ZNF354C: variants seen among roughly 807,000 people sequenced by gnomAD.
ZNF354C encodes the protein zinc finger protein 354C, also known as KRAB-zinc finger protein synten.
In ZNF354C, 7 loss-of-function variants were observed where a neutral mutation model predicts 12.4. The observed-to-expected ratio is 0.56, with a 90% CI of 0.32 to 1.06. The LOEUF (loss-of-function observed/expected upper bound fraction) is 1.06. ZNF354C is among the 50% of genes least tolerant of loss of function. The pLI is 0.04. For synonymous variants in ZNF354C, 202 were observed against 224.5 expected (o/e 0.90, Z 0.90); for missense variants, 609 against 658.0 (o/e 0.93, Z 0.81).
chr5:179,079,680 AT>A lies in ZNF354C; in HGVS notation c.1249del (p.Cys417ValfsTer67), dbSNP rs1292729129. Reference protein sequence around the residue: ...TGQKPYQCNECEKAFNQYSSF... With the variant: ...TGQKPYQCNEXEKAFNQYSSF... Reference sequence around the variant, plus strand: ...GACAAAAACCTTATCAGTGCAACGAATGTGAGAAAGCCTTCAACCAGTATTC... The same window carrying A: ...GACAAAAACCTTATCAGTGCAACGAAGTGAGAAAGCCTTCAACCAGTATTC... On this transcript the variant is annotated frameshift_variant, in exon 5 of 5. Coordinates refer to ENST00000315475, the MANE Select transcript of ZNF354C (RefSeq NM_014594.3). LOFTEE classifies it low-confidence loss of function (END_TRUNC). This position sits in a 1 kb window ranked among gnomAD's most constrained non-coding sequence, Gnocchi z 4.2. 6.2e-7 allele frequency: 1 copy of A among 1,614,218 alleles called. No homozygotes were observed.
In ZNF354C at chr5:179,082,960, C is replaced by A; in HGVS notation, c.*2863C>A. On this transcript the variant is annotated 3_prime_UTR_variant, in exon 5 of 5. Coordinates refer to ENST00000315475, the MANE Select transcript of ZNF354C (RefSeq NM_014594.3). ...TGGAGCTCAAGGCCATCCTCAACTT[C>A]TTTCATATGGAAAAAGAGCTTCTTG... 1 of 829,502 alleles carries A rather than the reference C, an allele frequency of 1.2e-6. No individual in the cohort carries two copies. The highest frequency in any genetic ancestry group is 2.1e-6 in the Non-Finnish European group (1 of 485,826). 51.4% of individuals were successfully genotyped at this position (829,502 alleles called of 1,614,324 possible).
At position 179,079,098 on chromosome 5, in the gene ZNF354C, G is replaced by A. The variant is rs768105822; in HGVS notation, c.666G>A (p.Gly222=). The change falls in exon 5 of 5, where the codon GGG becomes GGA. Residue 222 remains glycine, a synonymous_variant. Coordinates refer to ENST00000315475, the MANE Select transcript of ZNF354C (RefSeq NM_014594.3). The surrounding 1 kb of genome is among the most constrained non-coding windows in gnomAD (Gnocchi z 4.2). ...AACCTCACATCTGTAATGAATGTGG[G>A]AAGAGCTTCAAGCAGAATCTGCATC... ...GGKPHICNEC[G]KSFKQNLHLI... 1 of 1,613,912 alleles carries A rather than the reference G, an allele frequency of 6.2e-7. No homozygotes were observed. The highest frequency in any genetic ancestry group is 2.2e-5 in the East Asian group (1 of 44,874).
At position 179,078,969 on chromosome 5, in the gene ZNF354C, G is replaced by C. The variant is rs1276346603; in HGVS notation, c.537G>C (p.Gln179His). The stretch of plus-strand genomic sequence containing the variant: ...CAAATACAGCTCTTGTCACACAACA[G>C]AGTGTTCCTATAGAAAGGATACCCA... ...LFTNTALVTQ[Q>H]SVPIERIPNM... The change falls in exon 5 of 5, where the codon CAG (glutamine) becomes CAC (histidine). Residue 179 changes from glutamine to histidine, a missense_variant. Transcript: ENST00000315475. 6.2e-7 allele frequency: 1 copy of C among 1,614,002 alleles called. No homozygotes were observed. Among genetic ancestry groups the C allele is most frequent in the Non-Finnish European group, 8.5e-7 (1 of 1,179,992 alleles).
At chr5:179,067,983 G>A (rs1761979842) in intron 2 of ZNF354C, among the ~76,000 whole-genome samples, 1 of 152,188 alleles carries the variant, frequency 6.6e-6, no homozygotes, top group Admixed American at 6.5e-5. Context: ...AACATAGCAA[G>A]ACCCTGGCTC....
intron 2 of ZNF354C, among the ~76,000 whole-genome samples, chr5:179,075,657 G>A (rs899021005): frequency 6.6e-6 from 1 of 152,106 alleles, no homozygotes; most frequent in Non-Finnish European, 1.5e-5. Context: ...TCATATATAT[G>A]TATATACAGA....
chr5:179,074,130 G>A (rs566340946), intron 2 of ZNF354C, among the ~76,000 whole-genome samples: 3 of 151,520 alleles, frequency 2.0e-5, no homozygotes, highest in Non-Finnish European at 2.9e-5. Flanking sequence ...CTACAGGCAC[G>A]TGCCACCATG....
chr5:179,065,573 G>A (rs1006028716), intron 2 of ZNF354C, among the ~76,000 whole-genome samples: 7 of 151,908 alleles, frequency 4.6e-5, no homozygotes, highest in Non-Finnish European at 8.8e-5. Flanking sequence ...GTGCCATCAC[G>A]CCCTGCTAAT....
In ZNF354C at chr5:179,062,065, A is replaced by G; in HGVS notation, c.-4A>G. 1.2e-6 allele frequency: 2 copies of G among 1,614,150 alleles called. No homozygotes were observed. The highest frequency in any genetic ancestry group is 1.3e-5 in the African/African-American group (1 of 75,048). ...CCCTGGGCAGGAAGACTGAGGAGGA[A>G]GGGATGGCTGTGGATCTGCTGTCTG... On this transcript the variant is annotated 5_prime_UTR_variant, in exon 2 of 5. Coordinates refer to ENST00000315475, the MANE Select transcript of ZNF354C (RefSeq NM_014594.3).
chr5:179,079,305 G>C lies in ZNF354C; in HGVS notation c.873G>C (p.Leu291=). Residue 291 remains leucine (L), a synonymous_variant, in exon 5 of 5, where the codon CTG becomes CTC. Coordinates refer to ENST00000315475, the MANE Select transcript of ZNF354C (RefSeq NM_014594.3). The surrounding 1 kb of genome is among the most constrained non-coding windows in gnomAD (Gnocchi z 4.2). ...FSNSSTLIKH[L]RVHTGEKPYR... is the part of the protein sequence containing the mutation. ...ACAGTTCAACCCTTATCAAACATCT[G>C]AGAGTGCATACTGGAGAGAAACCGT... The C allele has an allele frequency of 6.2e-7, 1 of 1,614,172 alleles. No homozygotes were observed. Among genetic ancestry groups the C allele is most frequent in the Non-Finnish European group, 8.5e-7 (1 of 1,180,034 alleles).
chr5:179,063,129 A>G (rs533705982), intron 2 of ZNF354C, among the ~76,000 whole-genome samples: 1 of 152,338 alleles, frequency 6.6e-6, no homozygotes, highest in South Asian at 2.1e-4. Context: ...ATGTGGACTC[A>G]GGAGCTTGAC....
At chr5:179,076,818 A>G (rs1424148428) in intron 3 of ZNF354C, among the ~76,000 whole-genome samples, 1 of 152,114 alleles carries the variant, frequency 6.6e-6, no homozygotes, top group African/African-American at 2.4e-5. Flanking sequence ...TAGAGATCCC[A>G]GTTTAGATTC....
rs756521886 is a variant in ZNF354C, at chr5:179,079,713, T to C, written c.1281T>C (p.Phe427=). 1 of 1,614,178 alleles carries C rather than the reference T, an allele frequency of 6.2e-7. No homozygotes were observed. Among genetic ancestry groups the C allele is most frequent in the Admixed American group, 1.7e-5 (1 of 60,030 alleles). The change falls in exon 5 of 5, where the codon TTT becomes TTC. Residue 427 remains phenylalanine (F), a synonymous_variant. Coordinates refer to ENST00000315475, the MANE Select transcript of ZNF354C (RefSeq NM_014594.3). The surrounding 1 kb of genome is among the most constrained non-coding windows in gnomAD (Gnocchi z 4.2). Reference sequence around the variant, plus strand: ...AAGCCTTCAACCAGTATTCATCCTTTAATGAACATCGGAAAATTCATACTG... The same window carrying C: ...AAGCCTTCAACCAGTATTCATCCTTCAATGAACATCGGAAAATTCATACTG... ...CEKAFNQYSS[F]NEHRKIHTGE...
intron 2 of ZNF354C, among the ~76,000 whole-genome samples, chr5:179,076,239 C>T (rs1050355602): frequency 3.3e-5 from 5 of 152,212 alleles, no homozygotes; most frequent in African/African-American, 1.2e-4. Context: ...TCCCACTGCA[C>T]GTGGCATGTG....
intron 2 of ZNF354C, among the ~76,000 whole-genome samples, chr5:179,073,772 C>T (rs1042818433): frequency 6.6e-6 from 1 of 151,936 alleles, no homozygotes; most frequent in Non-Finnish European, 1.5e-5. Context: ...TCTCATGTCT[C>T]AGCCTCCTGA....
Position 179,062,010 on chromosome 5 carries a change from T to C in ZNF354C, c.-54-5T>C. 2.5e-6 allele frequency: 4 copies of C among 1,604,654 alleles called. No individual in the cohort carries two copies. Among genetic ancestry groups the C allele is most frequent in the Non-Finnish European group, 3.4e-6 (4 of 1,171,880 alleles). On this transcript the variant is annotated splice_region_variant and splice_polypyrimidine_tract_variant and intron_variant, in intron 1 of 4. Coordinates refer to ENST00000315475, the MANE Select transcript of ZNF354C (RefSeq NM_014594.3). Reference sequence around the variant, plus strand: ...GGTTCCTCTTGACACCTTTTTCCTCTGCAGACCCACCGTGTCCACACTCTG... The same window carrying C: ...GGTTCCTCTTGACACCTTTTTCCTCCGCAGACCCACCGTGTCCACACTCTG...
intron 2 of ZNF354C, among the ~76,000 whole-genome samples, chr5:179,070,258 GACC>G (rs1561749021): frequency 6.6e-6 from 1 of 152,170 alleles, no homozygotes; most frequent in Non-Finnish European, 1.5e-5. Flanking sequence ...TTTATCCTGA[GACC>G]ATTCCCCCAA....
chr5:179,069,862 T>A (rs934669841), intron 2 of ZNF354C, among the ~76,000 whole-genome samples: 6 of 152,276 alleles, frequency 3.9e-5, no homozygotes, highest in Admixed American at 3.3e-4. Context: ...CAAGACTCTG[T>A]CTCAAAAACA....
chr5:179,063,214 A>G (rs766786630), intron 2 of ZNF354C, among the ~76,000 whole-genome samples: 1 of 152,284 alleles, frequency 6.6e-6, no homozygotes, highest in Middle Eastern at 3.4e-3. Flanking sequence ...CATTTCCTCA[A>G]TTTTGGTGGG....
chr5:179,067,165 G>C (rs1761968056), intron 2 of ZNF354C, among the ~76,000 whole-genome samples: 1 of 152,206 alleles, frequency 6.6e-6, no homozygotes, highest in Non-Finnish European at 1.5e-5. Context: ...TCTCAGCTGA[G>C]AGATTTAAAG....
Sources: allele counts gnomAD v4.1 joint callset (sites outside exome capture counted in the v4.1 genomes callset), GRCh38; gene constraint gnomAD v4.1.1; non-coding constraint Gnocchi (gnomAD v3.1); transcripts MANE v1.5; gene names NCBI Gene and HGNC (gene_info 2026-07-23, HGNC 2026-07-21).